Variants in AFF2 observed in about 807,000 individuals in gnomAD.
The protein encoded by AFF2 is AF4/FMR2 family member 2.
AFF2 carries 14 observed loss-of-function variants against 76.9 expected under a neutral mutation model. The ratio of observed to expected loss-of-function variants is 0.18; its 90% CI spans 0.12 to 0.28. The LOEUF is 0.28. Ranked by LOEUF, AFF2 falls within the 10% of genes least tolerant of loss-of-function variation. AFF2 has a pLI of 1.00. For missense variants in AFF2, 868 were observed against 1,001.1 expected, an observed-to-expected ratio of 0.87 and a Z score of 1.79; for synonymous variants, 398 against 366.7, an observed-to-expected ratio of 1.09 and a Z score of -0.98.
Position 148,681,610 on chromosome X carries a change from G to GAAGAAAGA in AFF2, c.1041+18859_1041+18866dup, listed in dbSNP as rs370085084. Among the ~76,000 whole-genome samples the GAAGAAAGA allele has an allele frequency of 8.2e-3, 781 of 95,609 alleles. 13 individuals carry two copies. The highest frequency in any genetic ancestry group is 0.03 in the African/African-American group (754 of 25,479). 83.0% of individuals were successfully genotyped at this position (95,609 alleles called of 115,157 possible). A position where few individuals can be genotyped will look rare whatever the true frequency, so the allele number is the denominator to read the frequency against. On this transcript the variant is annotated intron_variant, in intron 3 of 20. Transcript: ENST00000370460. Reference sequence around the variant, plus strand: ...AGAGAGAGAGAATGAAGAAAGGAAAGAAGAAAGAAAGAAAGAAAGAAAGAG... The same window carrying GAAGAAAGA: ...AGAGAGAGAGAATGAAGAAAGGAAAGAAGAAAGAAAGAAAGAAAGAAAGAAAGAAAGAG...
intron 2 of AFF2, among the ~76,000 whole-genome samples, chrX:148,657,985 G>A (rs1368397525): frequency 9.0e-6 from 1 of 111,592 alleles, no homozygotes; most frequent in African/African-American, 3.3e-5. Flanking sequence ...AGGCCCCATT[G>A]GGTTTTCTAT....
chrX:148,835,887 G>A (rs1299776064), intron 4 of AFF2, among the ~76,000 whole-genome samples: 1 of 110,802 alleles, frequency 9.0e-6, no homozygotes, highest in Non-Finnish European at 1.9e-5. Context: ...TTATGCAACC[G>A]ATCTTCAGAA....
intron 3 of AFF2, among the ~76,000 whole-genome samples, chrX:148,681,635 GAA>G (rs1399954712): frequency 1.1e-5 from 1 of 92,888 alleles, no homozygotes. Context: ...GAAAGAAAGA[GAA>G]GAGAAAAAGA....
At chrX:148,701,581 C>T (rs891660874) in intron 3 of AFF2, among the ~76,000 whole-genome samples, 5 of 111,853 alleles carry the variant, frequency 4.5e-5, no homozygotes, top group Non-Finnish European at 1.9e-5. Context: ...AAAATAGAAA[C>T]AAAATTTTGA....
At chrX:148,973,720 T>C in intron 16 of AFF2, 113 bp downstream of exon 16, 1 of 788,371 alleles carries the variant, frequency 1.3e-6, no homozygotes, top group Admixed American at 3.9e-5. Context: ...AGCCATCCTC[T>C]TAGAAGTCAT....
intron 9 of AFF2, among the ~76,000 whole-genome samples, chrX:148,946,287 C>A (rs2071899785): frequency 8.9e-6 from 1 of 112,275 alleles, no homozygotes; most frequent in Non-Finnish European, 1.9e-5. Flanking sequence ...ATCTGCTTCC[C>A]AGCACGTCAT....
At chrX:148,826,639 TCTC>T (rs1557272967) in intron 4 of AFF2, among the ~76,000 whole-genome samples, 2 of 111,882 alleles carry the variant, frequency 1.8e-5, no homozygotes, top group African/African-American at 6.5e-5. Context: ...TTTAGAAAGT[TCTC>T]CTTCTTCATC....
chrX:148,704,369 T>G (rs868927702), intron 3 of AFF2, among the ~76,000 whole-genome samples: 16 of 52,225 alleles, frequency 3.1e-4, no homozygotes, highest in South Asian at 2.1e-3. Flanking sequence ...TATATGTGTG[T>G]ATATATATAT....
intron 1 of AFF2, among the ~76,000 whole-genome samples, chrX:148,509,365 A>G (rs894124799): frequency 1.9e-4 from 21 of 111,178 alleles, no homozygotes; most frequent in Admixed American, 6.7e-4. Context: ...ACATAAGACA[A>G]TTGACTTTGG....
chrX:148,567,089 G>A (rs1557241753), intron 1 of AFF2, among the ~76,000 whole-genome samples: 1 of 111,789 alleles, frequency 8.9e-6, no homozygotes, highest in East Asian at 2.8e-4. Context: ...GCAAATAGCA[G>A]GAAGTCAATA....
intron 1 of AFF2, among the ~76,000 whole-genome samples, chrX:148,501,919 T>A (rs2052358411): frequency 1.8e-5 from 2 of 112,206 alleles, no homozygotes; most frequent in African/African-American, 3.2e-5. Context: ...ATTCAAAGGT[T>A]GAGTCAGCTC....
chrX:148,810,137 G>A (rs183555525), intron 4 of AFF2, among the ~76,000 whole-genome samples: 1 of 111,860 alleles, frequency 8.9e-6, no homozygotes. Flanking sequence ...CTAAGCTTCT[G>A]CCCTATCCAT....
intron 12 of AFF2, among the ~76,000 whole-genome samples, chrX:148,959,562 T>C (rs1557287782): frequency 8.9e-6 from 1 of 112,488 alleles, no homozygotes; most frequent in African/African-American, 3.2e-5. Flanking sequence ...AAAAGATCAA[T>C]TACCACTAGA....
intron 4 of AFF2, among the ~76,000 whole-genome samples, chrX:148,814,989 A>G (rs781977562): frequency 8.9e-6 from 1 of 111,838 alleles, no homozygotes; most frequent in South Asian, 3.7e-4. Context: ...AATTGATTTT[A>G]TATCCTGTCA....
intron 9 of AFF2, among the ~76,000 whole-genome samples, chrX:148,937,013 C>G (rs1217946910): frequency 8.9e-6 from 1 of 112,110 alleles, no homozygotes; most frequent in Non-Finnish European, 1.9e-5. Flanking sequence ...CTCCTGCAAA[C>G]CAGCTCAACT....
At chrX:148,779,149 G>A (rs782140558) in intron 3 of AFF2, among the ~76,000 whole-genome samples, 26 of 111,594 alleles carry the variant, frequency 2.3e-4, no homozygotes, top group African/African-American at 7.5e-4. Flanking sequence ...GTAGTTGTGC[G>A]GTTTTCAGTG....
intron 3 of AFF2, among the ~76,000 whole-genome samples, chrX:148,692,382 G>A (rs1275498882): frequency 5.4e-5 from 6 of 111,847 alleles, no homozygotes; most frequent in African/African-American, 2.0e-4. Context: ...GCCCTCTATC[G>A]TAATAAGGCA....
intron 1 of AFF2, among the ~76,000 whole-genome samples, chrX:148,576,963 TTATC>T (rs1557243554): frequency 2.7e-5 from 3 of 112,019 alleles, no homozygotes; most frequent in Admixed American, 9.5e-5. Flanking sequence ...TTTTCATACT[TTATC>T]TAGGGCTGCT....
chrX:148,714,353 A>G (rs2055003302), intron 3 of AFF2, among the ~76,000 whole-genome samples: 1 of 112,004 alleles, frequency 8.9e-6, no homozygotes, highest in African/African-American at 3.2e-5. Context: ...ATTAATTAAA[A>G]TATGCTCCTT....
Sources: gnomAD v4.1 joint callset for allele counts (sites outside exome capture counted in the v4.1 genomes callset) on GRCh38, gnomAD v4.1.1 for gene constraint, MANE v1.5 for transcripts, NCBI Gene and HGNC (gene_info 2026-07-23, HGNC 2026-07-21) for gene names.